The following TRPS1 variants were observed in gnomAD, a reference collection of about 807,000 sequenced individuals.
TRPS1 encodes the protein zinc finger transcription factor Trps1.
A neutral mutation model predicts 101.2 loss-of-function variants in TRPS1; 6 were observed. The observed-to-expected ratio is 0.06, with a 90% CI of 0.03 to 0.12. The LOEUF is 0.12. Ranked by LOEUF, TRPS1 falls within the 10% of genes least tolerant of loss-of-function variation. TRPS1 has a pLI of 1.00. For missense variants in TRPS1, 1,363 were observed against 1,567.0 expected (o/e 0.87, Z 2.20); for synonymous variants, 578 against 589.8 (o/e 0.98, Z 0.29).
intron 5 of TRPS1, among the ~76,000 whole-genome samples, chr8:115,501,883 AT>A (rs1004215503): frequency 6.6e-6 from 1 of 152,074 alleles, no homozygotes; most frequent in African/African-American, 2.4e-5. Context: ...TGATCTCCTC[AT>A]ATCTGGACAC....
intron 5 of TRPS1, among the ~76,000 whole-genome samples, chr8:115,435,404 G>T (rs1586270847): frequency 6.6e-6 from 1 of 152,182 alleles, no homozygotes; most frequent in Non-Finnish European, 1.5e-5. Flanking sequence ...ACCAGTGCTG[G>T]CTGCAGTGAA....
chr8:115,454,051 G>A (rs16887468), intron 5 of TRPS1, among the ~76,000 whole-genome samples: 2,706 of 152,146 alleles, frequency 0.018, 82 homozygotes, highest in African/African-American at 0.061. Flanking sequence ...TCCCCAGGTC[G>A]GCAACTCTAT....
Position 115,414,410 on chromosome 8 carries a change from A to G in TRPS1, c.3498T>C (p.Phe1166=). The change falls in exon 7 of 7, where the codon TTT becomes TTC. Residue 1166 remains phenylalanine, a synonymous_variant. Coordinates refer to ENST00000395715, the MANE Select transcript of TRPS1 (RefSeq NM_014112.5). This position sits in a 1 kb window ranked among gnomAD's most constrained non-coding sequence, Gnocchi z 4.8. The part of the protein sequence containing the change: ...PYPTFNLPPH[F]SAVGSDNDIP... The stretch of plus-strand genomic sequence containing the variant: ...TGTCATTGTCTGATCCAACAGCTGA[A>G]AAATGAGGAGGCAGATTGAAGGTGG... 1.9e-6 allele frequency: 3 copies of G among 1,614,012 alleles called. No homozygotes were observed. The highest frequency in any genetic ancestry group is 2.7e-5 in the African/African-American group (2 of 75,044).
rs537964622 is a variant in TRPS1, at chr8:115,559,961, C to A, written c.2700+27040G>T. Among the ~76,000 whole-genome samples the A allele has an allele frequency of 3.3e-5, 5 of 152,126 alleles. No homozygotes were observed. The Middle Eastern group carries it at 0.01, about 310-fold the overall frequency. On this transcript the variant is annotated intron_variant, in intron 5 of 6. Coordinates refer to ENST00000395715, the MANE Select transcript of TRPS1 (RefSeq NM_014112.5). ...AGTCATAAATGTATACATTTCAAAT[C>A]TTCATCTTGACTTTCTTGGGAGGCA... is the stretch of plus-strand genomic sequence containing the variant.
chr8:115,567,575 T>A (rs1238852545), intron 5 of TRPS1, among the ~76,000 whole-genome samples: 1 of 152,088 alleles, frequency 6.6e-6, no homozygotes, highest in Non-Finnish European at 1.5e-5. Flanking sequence ...AGAAACAGAA[T>A]TTGGAATGAG....
intron 5 of TRPS1, among the ~76,000 whole-genome samples, chr8:115,451,109 A>G (rs1304621411): frequency 1.3e-5 from 2 of 152,190 alleles, no homozygotes; most frequent in Non-Finnish European, 2.9e-5. Context: ...GTGACATAAT[A>G]TAATAATGCA....
Position 115,619,358 on chromosome 8 carries a change from T to C in TRPS1, c.740A>G (p.Asn247Ser). The change falls in exon 3 of 7, where the codon AAC becomes AGC. Residue 247 changes from asparagine to serine, a missense_variant. Asn to Ser is a conservative substitution (Grantham distance 46, BLOSUM62 1). Around this residue, in one of 5 missense-constraint regions of TRPS1, gnomAD observed 1,020 missense variants for 1,073.0 expected, o/e 0.95. Coordinates refer to ENST00000395715, the MANE Select transcript of TRPS1 (RefSeq NM_014112.5). ...GTGCTTAATCAGATCTGTGGGGTCGTTGCCGTAGTAACCATATCCACAGAT... is the reference window on the plus strand; with the variant it reads ...GTGCTTAATCAGATCTGTGGGGTCGCTGCCGTAGTAACCATATCCACAGAT... ...CNICGYGYYG[N>S]DPTDLIKHFR... is the part of the protein sequence containing the mutation. The C allele has an allele frequency of 1.2e-6, 2 of 1,614,222 alleles. No individual in the cohort carries two copies. The highest frequency in any genetic ancestry group is 1.1e-5 in the South Asian group (1 of 91,090).
intron 3 of TRPS1, among the ~76,000 whole-genome samples, chr8:115,608,704 C>T (rs1017395221): frequency 2.0e-5 from 3 of 151,466 alleles, no homozygotes; most frequent in Non-Finnish European, 2.9e-5. Flanking sequence ...TAAAAATGTT[C>T]CATAGCCTTC....
At chr8:115,630,559 T>C (rs1387270099) in intron 1 of TRPS1, among the ~76,000 whole-genome samples, 1 of 151,962 alleles carries the variant, frequency 6.6e-6, no homozygotes, top group Non-Finnish European at 1.5e-5. Flanking sequence ...AAACCAAAAG[T>C]CAGAGGTAGG....
chr8:115,561,429 T>C (rs1041446379), intron 5 of TRPS1, among the ~76,000 whole-genome samples: 1 of 151,834 alleles, frequency 6.6e-6, no homozygotes, highest in African/African-American at 2.4e-5. Context: ...CTGAATCAGA[T>C]GAAAGGTGAT....
rs1812848588 is a variant in TRPS1 at position 115,413,974 on chromosome 8, T to A, written c.*49A>T. ...CATAAGACATTACAAGCTATTGAAT[T>A]CCCATCAAGAAAACCTATTTCTATT... On this transcript the variant is annotated 3_prime_UTR_variant, in exon 7 of 7. Transcript: ENST00000395715. 1 of 1,579,262 alleles carries A rather than the reference T, an allele frequency of 6.3e-7. No homozygotes were observed. Among genetic ancestry groups the A allele is most frequent in the Non-Finnish European group, 8.7e-7 (1 of 1,154,732 alleles).
At chr8:115,488,510 G>A (rs1197754744) in intron 5 of TRPS1, among the ~76,000 whole-genome samples, 1 of 151,788 alleles carries the variant, frequency 6.6e-6, no homozygotes, top group African/African-American at 2.4e-5. Context: ...CCAACATGGT[G>A]AAACCCCCCA....
At chr8:115,510,447 A>G (rs185037614) in intron 5 of TRPS1, among the ~76,000 whole-genome samples, 3 of 152,042 alleles carry the variant, frequency 2.0e-5, no homozygotes, top group East Asian at 3.9e-4. Flanking sequence ...TCCAAAAACT[A>G]TTAATCTGTT....
At chr8:115,559,297 A>C (rs763249958) in intron 5 of TRPS1, among the ~76,000 whole-genome samples, 1 of 152,136 alleles carries the variant, frequency 6.6e-6, no homozygotes, top group Non-Finnish European at 1.5e-5. Context: ...GTGAGAGTAC[A>C]TTATTCACTG....
chr8:115,667,622 T>C (rs1428005222), intron 1 of TRPS1, among the ~76,000 whole-genome samples: 3 of 152,152 alleles, frequency 2.0e-5, no homozygotes, highest in African/African-American at 4.8e-5. Context: ...TGCAAGGCCC[T>C]GCCACATGGT....
At chr8:115,593,344 C>T (rs1342851265) in intron 4 of TRPS1, among the ~76,000 whole-genome samples, 2 of 152,094 alleles carry the variant, frequency 1.3e-5, no homozygotes, top group African/African-American at 4.8e-5. Context: ...GTATATATTT[C>T]CACCCCATTT....
chr8:115,482,393 G>T (rs1271766889), intron 5 of TRPS1, among the ~76,000 whole-genome samples: 1 of 151,856 alleles, frequency 6.6e-6, no homozygotes, highest in Non-Finnish European at 1.5e-5. Context: ...ACAGTTATAA[G>T]TAAGTAAATT....
chr8:115,584,584 T>A (rs1208057251), intron 5 of TRPS1, among the ~76,000 whole-genome samples: 2 of 151,930 alleles, frequency 1.3e-5, no homozygotes, highest in Non-Finnish European at 2.9e-5. Context: ...AAACTTATAG[T>A]ACTTTTTTTT....
chr8:115,611,024 G>A (rs1039653193), intron 3 of TRPS1, among the ~76,000 whole-genome samples: 2 of 151,844 alleles, frequency 1.3e-5, no homozygotes, highest in African/African-American at 4.8e-5. Flanking sequence ...GGCTGAGGTG[G>A]GAGAATCGCT....
Sources: gnomAD v4.1 joint callset for allele counts (sites outside exome capture counted in the v4.1 genomes callset) on GRCh38, gnomAD v4.1.1 for gene constraint, gnomAD v4.1.1 regional missense constraint, Gnocchi (gnomAD v3.1) non-coding constraint, MANE v1.5 for transcripts, NCBI Gene and HGNC (gene_info 2026-07-23, HGNC 2026-07-21) for gene names.